Variants in UXS1 observed in about 807,000 individuals in gnomAD.
UXS1 encodes the protein UDP-glucuronate decarboxylase 1.
A neutral mutation model predicts 62.6 loss-of-function variants in UXS1; 33 were observed. The observed-to-expected ratio is 0.53, with a 90% CI of 0.40 to 0.70. The LOEUF (loss-of-function observed/expected upper bound fraction) is 0.70, where lower values mean the gene tolerates loss of function less well. Among genes scored for constraint, UXS1 ranks in the 30% least tolerant of loss-of-function variants. The pLI, the probability that UXS1 is intolerant of heterozygous loss-of-function variation, is 0.00. For synonymous variants in UXS1, 213 were observed against 206.8 expected (o/e 1.03, Z -0.26); for missense variants, 434 against 556.3 (o/e 0.78, Z 2.21).
intron 5 of UXS1, among the ~76,000 whole-genome samples, chr2:106,149,049 A>G (rs1681810202): frequency 6.6e-6 from 1 of 152,238 alleles, no homozygotes; most frequent in Non-Finnish European, 1.5e-5. Context: ...TGTATTTCAA[A>G]GCAAGTCTCC....
intron 1 of UXS1, among the ~76,000 whole-genome samples, chr2:106,178,949 G>C (rs1465091781): frequency 6.6e-6 from 1 of 152,230 alleles, no homozygotes; most frequent in Non-Finnish European, 1.5e-5. Flanking sequence ...CTAACGGACA[G>C]CAGGGCGGTG....
At chr2:106,183,965 G>T (rs560976889) in intron 1 of UXS1, among the ~76,000 whole-genome samples, 29 of 152,308 alleles carry the variant, frequency 1.9e-4, no homozygotes, top group Non-Finnish European at 3.7e-4. Context: ...GCCGAGGTGG[G>T]TGGATCACCT....
intron 12 of UXS1, among the ~76,000 whole-genome samples, chr2:106,099,410 A>G (rs1421772233): frequency 6.6e-6 from 1 of 152,094 alleles, no homozygotes; most frequent in East Asian, 1.9e-4. Flanking sequence ...GACCACCATA[A>G]AGTCTGATAA....
chr2:106,097,118 T>C (rs1370630767), intron 13 of UXS1: 8 of 522,754 alleles, frequency 1.5e-5, no homozygotes, highest in Admixed American at 1.1e-4. Context: ...TACAAGAGGG[T>C]TGCTCCAAGG....
chr2:106,183,027 A>G (rs1344449503), intron 1 of UXS1, among the ~76,000 whole-genome samples: 2 of 152,196 alleles, frequency 1.3e-5, no homozygotes, highest in African/African-American at 4.8e-5. Context: ...AAAAAGAAAA[A>G]GATCCTGATT....
At chr2:106,170,266 C>T (rs1445005900) in intron 1 of UXS1, among the ~76,000 whole-genome samples, 1 of 152,206 alleles carries the variant, frequency 6.6e-6, no homozygotes, top group Non-Finnish European at 1.5e-5. Flanking sequence ...ACCTCCAAGA[C>T]TCATCTGAGC....
chr2:106,127,813 T>C (rs893981687), intron 7 of UXS1, among the ~76,000 whole-genome samples: 2 of 152,218 alleles, frequency 1.3e-5, no homozygotes, highest in Non-Finnish European at 2.9e-5. Flanking sequence ...GAAGACTCTT[T>C]ACCATTCCTG....
chr2:106,157,200 T>C (rs887121128), intron 5 of UXS1, among the ~76,000 whole-genome samples: 1 of 152,140 alleles, frequency 6.6e-6, no homozygotes, highest in Non-Finnish European at 1.5e-5. Context: ...TGTGAATACA[T>C]TAAAAACTAC....
intron 11 of UXS1, among the ~76,000 whole-genome samples, chr2:106,103,150 A>C (rs4851919): frequency 0.7 from 106,726 of 152,146 alleles, 37,649 homozygotes; most frequent in South Asian, 0.75. Flanking sequence ...TTTTGTCCTG[A>C]GCTGGGACAG....
chr2:106,101,293 G>A (rs1261519585), intron 11 of UXS1, 175 bp from the exon 12 acceptor site: 9 of 620,904 alleles, frequency 1.4e-5, no homozygotes, highest in Admixed American at 3.2e-5. Flanking sequence ...TTTACAATGC[G>A]AAAGTATTTA....
chr2:106,180,155 A>C (rs1330792450), intron 1 of UXS1, among the ~76,000 whole-genome samples: 1 of 152,260 alleles, frequency 6.6e-6, no homozygotes, highest in Non-Finnish European at 1.5e-5. Flanking sequence ...AGCAAAGCAC[A>C]GAAAAATCAA....
At chr2:106,164,581 A>G (rs896098905) in intron 3 of UXS1, among the ~76,000 whole-genome samples, 155 bp downstream of exon 3, 3 of 152,240 alleles carry the variant, frequency 2.0e-5, no homozygotes, top group Non-Finnish European at 4.4e-5. Context: ...AACAGACTGC[A>G]TGTCCTCTTA....
intron 11 of UXS1, chr2:106,101,532 C>T (rs1179169130): frequency 6.0e-6 from 1 of 165,404 alleles, no homozygotes; most frequent in African/African-American, 2.4e-5. Flanking sequence ...AGTAGTTGAC[C>T]TGTACGAAAG....
At chr2:106,156,616 A>G (rs1007645626) in intron 5 of UXS1, among the ~76,000 whole-genome samples, 2 of 152,224 alleles carry the variant, frequency 1.3e-5, no homozygotes, top group African/African-American at 2.4e-5. Flanking sequence ...TCCGCATATA[A>G]AATAGTGTAG....
At chr2:106,174,046 T>A (rs1283348995) in intron 1 of UXS1, among the ~76,000 whole-genome samples, 2 of 133,064 alleles carry the variant, frequency 1.5e-5, no homozygotes, top group Non-Finnish European at 3.0e-5. Context: ...GGCTGTGGGA[T>A]GACTTACGGA....
intron 6 of UXS1, among the ~76,000 whole-genome samples, chr2:106,144,338 T>G (rs1157533330): frequency 6.6e-6 from 1 of 152,198 alleles, no homozygotes; most frequent in Non-Finnish European, 1.5e-5. Context: ...AATATTAGAT[T>G]AAATATTCAT....
chr2:106,171,157 C>T (rs1229596052), intron 1 of UXS1, among the ~76,000 whole-genome samples: 2 of 152,194 alleles, frequency 1.3e-5, no homozygotes, highest in African/African-American at 4.8e-5. Flanking sequence ...ATCCAGACTT[C>T]AAGCTATGCA....
At chr2:106,098,886 G>A (rs3820891) in intron 12 of UXS1, 113 bp from the exon 13 acceptor site, 747,736 of 882,262 alleles carry the variant, frequency 0.85, 317,833 homozygotes, top group East Asian at 0.92. Context: ...ACCTCCCTGC[G>A]CTGCTTCAGC....
At chr2:106,168,743 G>T (rs182191539) in intron 1 of UXS1, among the ~76,000 whole-genome samples, 3 of 152,150 alleles carry the variant, frequency 2.0e-5, no homozygotes, top group Non-Finnish European at 4.4e-5. Flanking sequence ...GAGAATTGCT[G>T]TATAAATTGT....
Sources: gnomAD v4.1 joint callset for allele counts (sites outside exome capture counted in the v4.1 genomes callset) on GRCh38, gnomAD v4.1.1 for gene constraint, MANE v1.5 for transcripts, NCBI Gene and HGNC (gene_info 2026-07-23, HGNC 2026-07-21) for gene names.